The following ANK2 variants were observed in gnomAD, a reference collection of about 807,000 sequenced individuals.
ANK2 encodes ankyrin 2.
In ANK2, 83 loss-of-function variants were observed where a neutral mutation model predicts 360.5. The observed-to-expected ratio is 0.23, with a 90% CI of 0.19 to 0.28. ANK2 has a LOEUF of 0.28. ANK2 is among the 10% of genes least tolerant of loss of function. The pLI, the probability that ANK2 is intolerant of heterozygous loss-of-function variation, is 1.00. For missense variants in ANK2, 4,201 were observed against 4,795.7 expected (o/e 0.88, Z 3.66); for synonymous variants, 1,740 against 1,759.5 (o/e 0.99, Z 0.28).
At chr4:113,241,325 G>A (rs1563109721) in intron 8 of ANK2, among the ~76,000 whole-genome samples, 1 of 152,126 alleles carries the variant, frequency 6.6e-6, no homozygotes, top group Non-Finnish European at 1.5e-5. Context: ...TTATTCTGAA[G>A]GAGACGTTTG....
upstream of ANK2, among the ~76,000 whole-genome samples, chr4:113,045,076 T>G (rs1482592374): frequency 6.6e-6 from 1 of 152,184 alleles, no homozygotes; most frequent in East Asian, 1.9e-4. Context: ...GACTCACAAA[T>G]GGAGATAATC....
chr4:113,249,877 G>C lies in ANK2; in HGVS notation c.990+15G>C, dbSNP rs2045194238. 3 of 1,605,532 alleles carry C rather than the reference G, an allele frequency of 1.9e-6. No homozygotes were observed. In the South Asian group the frequency reaches 3.3e-5, roughly 18 times the overall value. On this transcript the variant is annotated intron_variant, in intron 10 of 45. Transcript: ENST00000357077. ...CAAGGACTAAGGTGAGTCATTATGA[G>C]TAAGATGGGGTCCTAAGAAATCTTT...
chr4:112,827,350 C>T, intron 1 of ANK2: 1 of 1,302,724 alleles, frequency 7.7e-7, no homozygotes, highest in South Asian at 1.2e-5. Flanking sequence ...GCAACTGGAA[C>T]TTGAACAGAT....
chr4:113,359,227 C>A lies in ANK2; in HGVS notation c.10609C>A (p.Pro3537Thr). ...TCCTGAGGACATCTTTGACACAAGGCCCATTTGGGATGAGTCTATTGAGAC... is the reference window on the plus strand; with the variant it reads ...TCCTGAGGACATCTTTGACACAAGGACCATTTGGGATGAGTCTATTGAGAC... Reference protein sequence around the residue: ...SVPEDIFDTRPIWDESIETLI... With the variant: ...SVPEDIFDTRTIWDESIETLI... The change falls in exon 38 of 46, where the codon CCC (proline) becomes ACC (threonine). Residue 3537 changes from proline (P) to threonine (T), a missense_variant. By Grantham distance (38) the Pro-to-Thr change is conservative. This residue lies in a region of ANK2 where 2,642 missense variants were observed against 2,714.5 expected (regional missense o/e 0.97). Transcript: ENST00000357077. The A allele has an allele frequency of 6.2e-7, 1 of 1,613,748 alleles. No individual in the cohort carries two copies. The highest frequency in any genetic ancestry group is 8.5e-7 in the Non-Finnish European group (1 of 1,179,780).
the ANK2 span, among the ~76,000 whole-genome samples, chr4:112,713,252 A>G: frequency 1.3e-5 from 2 of 152,082 alleles, no homozygotes; most frequent in East Asian, 1.9e-4. Flanking sequence ...CTGCCCGGCC[A>G]TTCACCAGAT....
At chr4:112,852,752 C>T (rs1047412495) in intron 1 of ANK2, among the ~76,000 whole-genome samples, 1 of 152,032 alleles carries the variant, frequency 6.6e-6, no homozygotes, top group African/African-American at 2.4e-5. Flanking sequence ...CGGTGAATCC[C>T]AAGTGAGAGT....
chr4:112,925,382 G>A (rs2092397545), intron 2 of ANK2, among the ~76,000 whole-genome samples: 1 of 152,136 alleles, frequency 6.6e-6, no homozygotes, highest in Admixed American at 6.5e-5. Flanking sequence ...ACATCCATCT[G>A]TTTTCTATCT....
chr4:113,184,530 G>A (rs1483997962), intron 2 of ANK2, among the ~76,000 whole-genome samples: 2 of 152,126 alleles, frequency 1.3e-5, no homozygotes, highest in Non-Finnish European at 2.9e-5. Flanking sequence ...AATTCTTCCA[G>A]TATGCACTAC....
At chr4:112,875,512 ATTTG>A (rs2074775685) in intron 1 of ANK2, among the ~76,000 whole-genome samples, 1 of 151,346 alleles carries the variant, frequency 6.6e-6, no homozygotes, top group Non-Finnish European at 1.5e-5. Flanking sequence ...TTATTTATTT[ATTTG>A]TAGAGATGAG....
the ANK2 span, among the ~76,000 whole-genome samples, chr4:112,734,494 A>G: frequency 7.2e-5 from 11 of 152,212 alleles, no homozygotes; most frequent in Non-Finnish European, 1.6e-4. Context: ...TGGAGAAAGT[A>G]TACTGTGAGG....
chr4:112,943,721 T>C (rs1220694294), intron 2 of ANK2, among the ~76,000 whole-genome samples: 1 of 152,150 alleles, frequency 6.6e-6, no homozygotes, highest in Non-Finnish European at 1.5e-5. Context: ...TTAACAGTGT[T>C]TCACAAAAAT....
At chr4:113,293,029 C>T (rs1016290602) in intron 21 of ANK2, 9 of 362,834 alleles carry the variant, frequency 2.5e-5, no homozygotes, top group Non-Finnish European at 5.4e-6. Flanking sequence ...AATATGTTAC[C>T]GTGTTCCCGA....
chr4:112,763,389 C>G, the ANK2 span, among the ~76,000 whole-genome samples: 2 of 151,692 alleles, frequency 1.3e-5, no homozygotes, highest in Non-Finnish European at 2.9e-5. Flanking sequence ...CCACCACGGC[C>G]GGATAATTTT....
Position 113,084,470 on chromosome 4 carries a change from A to C in ANK2, c.84+34658A>C, listed in dbSNP as rs965499026. 2.6e-5 allele frequency among the ~76,000 whole-genome samples: 4 copies of C among 152,360 alleles called. No homozygotes were observed. In the South Asian group the frequency reaches 8.3e-4, roughly 32 times the overall value. On this transcript the variant is annotated intron_variant, in intron 1 of 45. Coordinates refer to ENST00000357077, the MANE Select transcript of ANK2 (RefSeq NM_001148.6). ...GAAACGAAACGCGATTAAATCCATAATTGAATACATTTAGGACTTTGCTTT... is the reference window on the plus strand; with the variant it reads ...GAAACGAAACGCGATTAAATCCATACTTGAATACATTTAGGACTTTGCTTT...
the ANK2 span, among the ~76,000 whole-genome samples, chr4:112,730,264 A>G: frequency 2.7e-5 from 4 of 150,132 alleles, no homozygotes; most frequent in African/African-American, 9.8e-5. Flanking sequence ...AAAAAAAAAA[A>G]AAAAAAAAAA....
intron 23 of ANK2, among the ~76,000 whole-genome samples, chr4:113,304,231 A>G (rs1388323904): frequency 6.6e-6 from 1 of 152,154 alleles, no homozygotes; most frequent in Non-Finnish European, 1.5e-5. Flanking sequence ...CAGCTCTTAA[A>G]CAGTTTGGTG....
chr4:112,735,640 C>A, the ANK2 span, among the ~76,000 whole-genome samples: 1 of 152,180 alleles, frequency 6.6e-6, no homozygotes, highest in Non-Finnish European at 1.5e-5. Flanking sequence ...AAGTATTACC[C>A]TCTGTACCAT....
chr4:113,373,728 A>C (rs1289738856), intron 45 of ANK2: 1 of 573,236 alleles, frequency 1.7e-6, no homozygotes, highest in Non-Finnish European at 3.3e-6. Flanking sequence ...CAGAAATCCA[A>C]AAGTCAAATT....
At chr4:112,974,403 A>G (rs757465748) in intron 2 of ANK2, among the ~76,000 whole-genome samples, 2 of 152,228 alleles carry the variant, frequency 1.3e-5, no homozygotes, top group Non-Finnish European at 2.9e-5. Flanking sequence ...CAAAAGGCCT[A>G]CTTTCTTTTG....
Sources: allele counts gnomAD v4.1 joint callset (sites outside exome capture counted in the v4.1 genomes callset), GRCh38; gene constraint gnomAD v4.1.1; regional missense constraint gnomAD v4.1.1; transcripts MANE v1.5; gene names NCBI Gene and HGNC (gene_info 2026-07-23, HGNC 2026-07-21).